Variants in SH3BGR observed in about 807,000 individuals in gnomAD.
SH3BGR encodes the protein SH3 domain-binding glutamic acid-rich protein.
Under a neutral mutation model 24.5 loss-of-function variants are expected in SH3BGR, and 29 were observed. The ratio of observed to expected loss-of-function variants is 1.18; its 90% CI spans 0.88 to 1.61. The LOEUF (loss-of-function observed/expected upper bound fraction) is 1.61. Ranked by LOEUF, SH3BGR falls within the 40% of genes most tolerant of loss-of-function variation. The pLI is 0.00. For synonymous variants in SH3BGR, 55 were observed against 65.7 expected (o/e 0.84, Z 0.79); for missense variants, 162 against 205.8 (o/e 0.79, Z 1.30).
chr21:39,492,445 T>G (rs1049691788), intron 3 of SH3BGR, among the ~76,000 whole-genome samples: 35 of 100,072 alleles, frequency 3.5e-4, no homozygotes, highest in African/African-American at 9.6e-4. Flanking sequence ...TTTCCCTTGG[T>G]GTGTGTGTGT....
At chr21:39,502,998 T>TC (rs35243304) in intron 4 of SH3BGR, among the ~76,000 whole-genome samples, 6 of 151,492 alleles carry the variant, frequency 4.0e-5, no homozygotes, top group Admixed American at 2.0e-4. Context: ...TTTTTTTTTT[T>TC]CCTCAGGGAC....
At chr21:39,485,430 G>A (rs1735002047) in intron 3 of SH3BGR, among the ~76,000 whole-genome samples, 1 of 152,126 alleles carries the variant, frequency 6.6e-6, no homozygotes, top group African/African-American at 2.4e-5. Context: ...ACATTATTAT[G>A]ATGTATGGAA....
intron 3 of SH3BGR, among the ~76,000 whole-genome samples, chr21:39,476,629 G>A (rs1265761826): frequency 6.6e-6 from 1 of 152,082 alleles, no homozygotes; most frequent in African/African-American, 2.4e-5. Flanking sequence ...CCTATGTTCT[G>A]GAAAGTTCCC....
intron 3 of SH3BGR, among the ~76,000 whole-genome samples, chr21:39,492,443 G>GGTGGGTGTGTGT (rs1183610917): frequency 1.1e-3 from 145 of 136,614 alleles, no homozygotes; most frequent in African/African-American, 3.8e-3. Flanking sequence ...AGTTTCCCTT[G>GGTGGGTGTGTGT]GTGTGTGTGT....
intron 1 of SH3BGR, among the ~76,000 whole-genome samples, chr21:39,457,074 A>T (rs953047943): frequency 6.1e-5 from 9 of 148,394 alleles, no homozygotes; most frequent in Admixed American, 2.0e-4. Flanking sequence ...TATAAAATTT[A>T]AAAAAATTAA....
chr21:39,458,312 TAA>T (rs761338692), intron 1 of SH3BGR, among the ~76,000 whole-genome samples: 10 of 152,092 alleles, frequency 6.6e-5, no homozygotes, highest in Non-Finnish European at 1.3e-4. Context: ...AGAAAATTTT[TAA>T]AGTTTATTTA....
intron 5 of SH3BGR, among the ~76,000 whole-genome samples, chr21:39,509,971 C>T (rs2078649040): frequency 1.3e-5 from 2 of 148,572 alleles, no homozygotes; most frequent in Admixed American, 6.6e-5. Flanking sequence ...GAGACGGAGT[C>T]CCGCTGTTTA....
At chr21:39,451,792 T>A, upstream of SH3BGR, 2 of 1,104,726 alleles carry the variant, frequency 1.8e-6, no homozygotes, top group Non-Finnish European at 2.7e-6. Context: ...TTAGGGACTG[T>A]TGTCGCGCGT....
At chr21:39,479,943 T>C (rs1188662178) in intron 3 of SH3BGR, among the ~76,000 whole-genome samples, 1 of 152,190 alleles carries the variant, frequency 6.6e-6, no homozygotes, top group African/African-American at 2.4e-5. Context: ...TTAACATCTT[T>C]GTTGTATTGT....
At chr21:39,454,678 C>T (rs904570619) in intron 1 of SH3BGR, among the ~76,000 whole-genome samples, 1 of 152,198 alleles carries the variant, frequency 6.6e-6, no homozygotes, top group East Asian at 1.9e-4. Flanking sequence ...ACAGTCCTTT[C>T]TCCATTTTGA....
intron 2 of SH3BGR, among the ~76,000 whole-genome samples, chr21:39,463,101 C>T (rs2077782079): frequency 1.3e-5 from 2 of 151,138 alleles, no homozygotes. Context: ...CCAGGCTGCT[C>T]TGGAACTCCT....
At chr21:39,497,129 A>G (rs2078409646) in intron 3 of SH3BGR, among the ~76,000 whole-genome samples, 1 of 151,150 alleles carries the variant, frequency 6.6e-6, no homozygotes, top group Non-Finnish European at 1.5e-5. Context: ...ATTTATATGT[A>G]TATCTGAGAA....
At chr21:39,475,633 G>T (rs2078015500) in intron 3 of SH3BGR, among the ~76,000 whole-genome samples, 2 of 152,078 alleles carry the variant, frequency 1.3e-5, no homozygotes, top group Admixed American at 1.3e-4. Flanking sequence ...CTATTTAAAT[G>T]AACCAAACTA....
chr21:39,473,622 C>A (rs542750446), intron 2 of SH3BGR, among the ~76,000 whole-genome samples: 9 of 152,098 alleles, frequency 5.9e-5, no homozygotes, highest in African/African-American at 2.2e-4. Context: ...TGGTGGCTCA[C>A]GCCTGTAATC....
chr21:39,459,768 T>G (rs1017862612), intron 1 of SH3BGR, among the ~76,000 whole-genome samples: 10 of 151,730 alleles, frequency 6.6e-5, no homozygotes, highest in African/African-American at 2.4e-4. Context: ...AAAATTTGTT[T>G]GCCCAGGCTG....
intron 3 of SH3BGR, among the ~76,000 whole-genome samples, chr21:39,494,231 C>CTCTTCTTCT (rs535727987): frequency 4.8e-5 from 7 of 145,376 alleles, no homozygotes; most frequent in Non-Finnish European, 1.1e-4. Context: ...AGTCTTCTTC[C>CTCTTCTTCT]TCTTCTTCTT....
intron 4 of SH3BGR, among the ~76,000 whole-genome samples, chr21:39,501,867 G>A (rs1174807007): frequency 1.3e-5 from 2 of 152,190 alleles, no homozygotes; most frequent in African/African-American, 4.8e-5. Flanking sequence ...GACGGTCTCT[G>A]GTTTGTTGTT....
intron 2 of SH3BGR, among the ~76,000 whole-genome samples, chr21:39,466,440 T>C (rs2077843847): frequency 6.6e-6 from 1 of 152,236 alleles, no homozygotes; most frequent in African/African-American, 2.4e-5. Flanking sequence ...AGTCTTTGCA[T>C]ATGAAAGAAA....
chr21:39,476,676 T>G (rs1483149176), intron 3 of SH3BGR, among the ~76,000 whole-genome samples: 1 of 152,156 alleles, frequency 6.6e-6, no homozygotes, highest in Non-Finnish European at 1.5e-5. Flanking sequence ...ATCTCTCGTC[T>G]TAACCCAAGT....
Sources: gnomAD v4.1 joint callset for allele counts (sites outside exome capture counted in the v4.1 genomes callset) on GRCh38, gnomAD v4.1.1 for gene constraint, MANE v1.5 for transcripts, NCBI Gene and HGNC (gene_info 2026-07-23, HGNC 2026-07-21) for gene names.